RIMS1: variants seen among roughly 807,000 people sequenced by gnomAD.
The protein encoded by RIMS1 is regulating synaptic membrane exocytosis 1.
RIMS1 carries 83 observed loss-of-function variants against 214.1 expected under a neutral mutation model. The ratio of observed to expected loss-of-function variants is 0.39; its 90% CI spans 0.32 to 0.47. RIMS1 has a LOEUF of 0.47. Among genes scored for constraint, RIMS1 ranks in the 20% least tolerant of loss-of-function variants. The probability of loss-of-function intolerance (pLI) is 0.99; values close to 1 mark genes in which losing one functional copy is unlikely to be tolerated. For missense variants in RIMS1, 2,050 were observed against 2,161.8 expected, an observed-to-expected ratio of 0.95 and a Z score of 1.03; for synonymous variants, 793 against 786.8, an observed-to-expected ratio of 1.01 and a Z score of -0.13.
chr6:71,952,558 C>A (rs1465100694), intron 1 of RIMS1, among the ~76,000 whole-genome samples: 1 of 152,214 alleles, frequency 6.6e-6, no homozygotes, highest in African/African-American at 2.4e-5. Flanking sequence ...GGTGTCCCCT[C>A]AGAGAGCAGC....
chr6:72,363,400 T>C (rs1444777012), intron 29 of RIMS1, among the ~76,000 whole-genome samples: 1 of 152,152 alleles, frequency 6.6e-6, no homozygotes, highest in East Asian at 1.9e-4. Flanking sequence ...TAGAATGCCA[T>C]TGAAGGGTTT....
At chr6:72,354,066 A>C (rs2097550140) in intron 29 of RIMS1, among the ~76,000 whole-genome samples, 1 of 152,126 alleles carries the variant, frequency 6.6e-6, no homozygotes, top group Admixed American at 6.5e-5. Flanking sequence ...CTGCAAATAC[A>C]AAAATTAGCC....
At position 72,290,847 on chromosome 6, in the gene RIMS1, TC is replaced by T; in HGVS notation, c.3725del (p.Pro1242ArgfsTer3). 6.2e-7 allele frequency: 1 copy of T among 1,612,438 alleles called. No homozygotes were observed. The highest frequency in any genetic ancestry group is 1.1e-5 in the South Asian group (1 of 90,992). On this transcript the variant is annotated frameshift_variant, in exon 25 of 34. Coordinates refer to ENST00000521978, the MANE Select transcript of RIMS1 (RefSeq NM_014989.7). ...TCCCTGGAGGGTCGGCGCCACCTTCTCCGCTTCTGACAAGGTCGCTATTCAG... is the reference window on the plus strand; with the variant it reads ...TCCCTGGAGGGTCGGCGCCACCTTCTCGCTTCTGACAAGGTCGCTATTCAG... ...LVPGGSAPPS[P>X]LLTRMHRQRS... is the part of the protein sequence containing the mutation.
At chr6:72,134,609 C>G (rs556978899) in intron 4 of RIMS1, among the ~76,000 whole-genome samples, 1 of 152,014 alleles carries the variant, frequency 6.6e-6, no homozygotes, top group Non-Finnish European at 1.5e-5. Flanking sequence ...TTCATAGAGG[C>G]AATAATATTC....
At chr6:71,897,841 G>T (rs1469392300) in intron 1 of RIMS1, among the ~76,000 whole-genome samples, 2 of 152,104 alleles carry the variant, frequency 1.3e-5, no homozygotes, top group African/African-American at 4.8e-5. Flanking sequence ...ATGAATGAAT[G>T]AATTAGATTC....
rs187101230 is a variant in RIMS1 at position 71,909,030 on chromosome 6, C to T, written c.164+21843C>T. ...TTTGAGGCAGAGTCTCGCTTTGTTG[C>T]TCAGGCTGGAGTGCAGTGGCACAAT... On this transcript the variant is annotated intron_variant, in intron 1 of 33. Coordinates refer to ENST00000521978, the MANE Select transcript of RIMS1 (RefSeq NM_014989.7). Among the ~76,000 whole-genome samples, 31 of 152,216 alleles carry T rather than the reference C, an allele frequency of 2.0e-4. No homozygotes were observed. In the East Asian group the frequency reaches 5.2e-3, roughly 26 times the overall value.
intron 26 of RIMS1, among the ~76,000 whole-genome samples, chr6:72,292,818 T>A (rs879487595): frequency 6.6e-6 from 1 of 152,144 alleles, no homozygotes; most frequent in African/African-American, 2.4e-5. Context: ...AAATAATTTC[T>A]ACTTTGGGAT....
Position 72,003,353 on chromosome 6 carries a change from T to C in RIMS1, c.245+34290T>C, listed in dbSNP as rs183056605. Among the ~76,000 whole-genome samples, 223 of 152,258 alleles carry C rather than the reference T, an allele frequency of 1.5e-3. 1 individual carries two copies. Among genetic ancestry groups the C allele is most frequent in the Non-Finnish European group, 2.8e-3 (191 of 68,008 alleles). On this transcript the variant is annotated intron_variant, in intron 2 of 33. Coordinates refer to ENST00000521978, the MANE Select transcript of RIMS1 (RefSeq NM_014989.7). ...TCTTGGTATCCGATTTTAAGTTCCATAGGGCAGTGATCATGACTGTCTTAC... is the reference window on the plus strand; with the variant it reads ...TCTTGGTATCCGATTTTAAGTTCCACAGGGCAGTGATCATGACTGTCTTAC...
At chr6:71,941,496 G>C (rs1031364500) in intron 1 of RIMS1, among the ~76,000 whole-genome samples, 1 of 152,078 alleles carries the variant, frequency 6.6e-6, no homozygotes, top group Non-Finnish European at 1.5e-5. Flanking sequence ...TTTGATGATT[G>C]ATGTAGCAAT....
intron 2 of RIMS1, among the ~76,000 whole-genome samples, chr6:72,081,929 C>A (rs1586550029): frequency 1.3e-5 from 2 of 152,266 alleles, no homozygotes; most frequent in African/African-American, 4.8e-5. Flanking sequence ...TCATCATTAG[C>A]AAATGTAATG....
chr6:72,026,985 G>C (rs567551131), intron 2 of RIMS1, among the ~76,000 whole-genome samples: 1 of 152,244 alleles, frequency 6.6e-6, no homozygotes, highest in South Asian at 2.1e-4. Flanking sequence ...ATCATCTGCA[G>C]TTTAAGCTCT....
At chr6:72,193,017 T>A (rs1460994681) in intron 6 of RIMS1, among the ~76,000 whole-genome samples, 1 of 152,240 alleles carries the variant, frequency 6.6e-6, no homozygotes, top group Non-Finnish European at 1.5e-5. Context: ...AATATGTATA[T>A]TCTCCCATTC....
chr6:72,312,877 T>C (rs1446655845), intron 27 of RIMS1, among the ~76,000 whole-genome samples: 1 of 152,218 alleles, frequency 6.6e-6, no homozygotes, highest in Non-Finnish European at 1.5e-5. Context: ...GGAAGCAGTC[T>C]ATACAGGTCA....
chr6:72,137,754 T>TG (rs2041518554), intron 4 of RIMS1, among the ~76,000 whole-genome samples: 8 of 148,272 alleles, frequency 5.4e-5, no homozygotes, highest in South Asian at 2.1e-4. Flanking sequence ...TTTTTTTTTT[T>TG]GAGATGGAGT....
At chr6:72,240,284 C>T (rs961874914) in intron 9 of RIMS1, among the ~76,000 whole-genome samples, 24 of 151,986 alleles carry the variant, frequency 1.6e-4, no homozygotes, top group Non-Finnish European at 1.5e-4. Flanking sequence ...TCCAGGTTGC[C>T]GCTTATAAAA....
At chr6:72,193,103 A>T (rs1830336) in intron 6 of RIMS1, among the ~76,000 whole-genome samples, 107,408 of 151,750 alleles carry the variant, frequency 0.71, 38,342 homozygotes, top group East Asian at 0.84. Context: ...ACATAATTAA[A>T]TCCTAAAATT....
Position 72,233,698 on chromosome 6 carries a change from G to A in RIMS1, c.1679-75G>A, listed in dbSNP as rs762857013. On this transcript the variant is annotated intron_variant, in intron 6 of 33. Transcript: ENST00000521978. ...ATGATATTAAAACTCTTTATAGATC[G>A]AAGAAGTAAAGCTTAAAGTGATACA... 15 of 1,072,394 alleles carry A rather than the reference G, an allele frequency of 1.4e-5. 1 individual carries two copies. The highest frequency in any genetic ancestry group is 8.1e-5 in the South Asian group (6 of 74,232). The allele number at this position is 1,072,394 out of a possible 1,614,324, so 66.4% of individuals were successfully genotyped here. A position where few individuals can be genotyped will look rare whatever the true frequency, so the allele number is the denominator to read the frequency against.
intron 2 of RIMS1, among the ~76,000 whole-genome samples, chr6:71,994,765 A>G (rs1027541118): frequency 5.9e-5 from 9 of 152,240 alleles, no homozygotes; most frequent in African/African-American, 1.9e-4. Context: ...TATTTTATAC[A>G]TATTAAAAAG....
intron 29 of RIMS1, among the ~76,000 whole-genome samples, chr6:72,341,607 A>G (rs1404588435): frequency 1.3e-5 from 2 of 151,842 alleles, no homozygotes; most frequent in African/African-American, 2.4e-5. Context: ...TGGGTGTTTC[A>G]AAAATAGAAG....
Sources: allele counts gnomAD v4.1 joint callset (sites outside exome capture counted in the v4.1 genomes callset), GRCh38; gene constraint gnomAD v4.1.1; transcripts MANE v1.5; gene names NCBI Gene and HGNC (gene_info 2026-07-23, HGNC 2026-07-21).